DNAH9: variants seen among roughly 807,000 people sequenced by gnomAD.
DNAH9 encodes DNAH9 variant protein.
A neutral mutation model predicts 471.6 loss-of-function variants in DNAH9; 345 were observed. The observed-to-expected ratio is 0.73, with a 90% CI of 0.67 to 0.80. The LOEUF (loss-of-function observed/expected upper bound fraction) is 0.80. Among genes scored for constraint, DNAH9 ranks in the 30% least tolerant of loss-of-function variants. The pLI is 0.00. For synonymous variants in DNAH9, 2,093 were observed against 2,123.6 expected, an observed-to-expected ratio of 0.99 and a Z score of 0.40; for missense variants, 5,407 against 5,609.2, an observed-to-expected ratio of 0.96 and a Z score of 1.15.
At chr17:11,770,352 A>G (rs1346947648) in intron 38 of DNAH9, among the ~76,000 whole-genome samples, 2 of 152,046 alleles carry the variant, frequency 1.3e-5, no homozygotes, top group African/African-American at 4.8e-5. Flanking sequence ...CTCTGCTGAC[A>G]CTCTGCTTTC....
At chr17:11,758,584 G>A (rs1597602612) in intron 35 of DNAH9, among the ~76,000 whole-genome samples, 1 of 152,090 alleles carries the variant, frequency 6.6e-6, no homozygotes, top group Non-Finnish European at 1.5e-5. Flanking sequence ...TCCTTGGCTT[G>A]TCAAGCATGG....
intron 63 of DNAH9, among the ~76,000 whole-genome samples, chr17:11,931,191 C>T (rs1406347299): frequency 6.6e-6 from 1 of 152,186 alleles, no homozygotes; most frequent in Non-Finnish European, 1.5e-5. Flanking sequence ...AATCCATCTG[C>T]CACACCACGC....
At chr17:11,788,206 C>G (rs1479570368) in intron 41 of DNAH9, among the ~76,000 whole-genome samples, 1 of 152,176 alleles carries the variant, frequency 6.6e-6, no homozygotes, top group Non-Finnish European at 1.5e-5. Context: ...GTCTGGACTC[C>G]TGGTTGTTGC....
chr17:11,790,432 T>C (rs942429557), intron 41 of DNAH9, among the ~76,000 whole-genome samples: 4 of 152,056 alleles, frequency 2.6e-5, no homozygotes, highest in African/African-American at 7.2e-5. Context: ...CTTCTTTATC[T>C]CTAAAAACGA....
intron 67 of DNAH9, among the ~76,000 whole-genome samples, chr17:11,952,300 C>G (rs1229369969): frequency 7.0e-6 from 1 of 142,900 alleles, no homozygotes; most frequent in Non-Finnish European, 1.5e-5. Context: ...CCATTACACC[C>G]AGCTAATTCT....
intron 28 of DNAH9, among the ~76,000 whole-genome samples, chr17:11,734,034 C>A (rs2075308715): frequency 6.6e-6 from 1 of 152,180 alleles, no homozygotes; most frequent in African/African-American, 2.4e-5. Context: ...GCAGCGTGGC[C>A]CAGTGGCAAG....
At chr17:11,648,512 T>C (rs1169316695) in intron 12 of DNAH9, among the ~76,000 whole-genome samples, 2 of 152,190 alleles carry the variant, frequency 1.3e-5, no homozygotes, top group African/African-American at 4.8e-5. Context: ...CAGTATAAGA[T>C]ATATTACTAT....
rs142721920 is a variant in DNAH9 at position 11,887,233 on chromosome 17, C to G, written c.11112+268C>G. 1.6e-4 allele frequency among the ~76,000 whole-genome samples: 25 copies of G among 152,264 alleles called. No individual in the cohort carries two copies. In the East Asian group the frequency reaches 4.6e-3, roughly 28 times the overall value. On this transcript the variant is annotated intron_variant, in intron 57 of 68. Transcript: ENST00000262442. The stretch of plus-strand genomic sequence containing the variant: ...GCTCATTCAGTAGGCACACATGATA[C>G]AGTAGGTACTATGCTTACTGAATGT...
At chr17:11,644,745 C>G (rs2073347523) in intron 11 of DNAH9, 46 bp downstream of exon 11, 1 of 1,357,040 alleles carries the variant, frequency 7.4e-7, no homozygotes, top group Non-Finnish European at 1.0e-6. Flanking sequence ...TGCACAGCCT[C>G]CATGCTGCCT....
Position 11,905,738 on chromosome 17 carries a change from C to T in DNAH9, c.11678C>T (p.Ser3893Leu), listed in dbSNP as rs761550523. Residue 3893 changes from serine to leucine, a missense_variant, in exon 61 of 69, where the codon TCG (serine) becomes TTG (leucine). By Grantham distance (145) the Ser-to-Leu change is moderately radical. Transcript: ENST00000262442. ...GATTTTGCAACCTCATTTGAAGAAT[C>T]GGGACCAGCCACTCCTATGTTTTTC... is the stretch of plus-strand genomic sequence containing the variant. Reference protein sequence around the residue: ...ALDFATSFEESGPATPMFFIL... With the variant: ...ALDFATSFEELGPATPMFFIL... 5.5e-5 allele frequency: 89 copies of T among 1,613,892 alleles called. No individual in the cohort carries two copies. Among genetic ancestry groups the T allele is most frequent in the Non-Finnish European group, 6.9e-5 (82 of 1,179,996 alleles).
Position 11,647,074 on chromosome 17 carries a change from A to G in DNAH9, c.1973A>G (p.Tyr658Cys). 6.2e-7 allele frequency: 1 copy of G among 1,613,714 alleles called. No individual in the cohort carries two copies. Among genetic ancestry groups the G allele is most frequent in the Non-Finnish European group, 8.5e-7 (1 of 1,179,750 alleles). Reference protein sequence around the residue: ...YEDMLSLLEKYETRLYEDWCR... With the variant: ...YEDMLSLLEKCETRLYEDWCR... ...GCTGTTGTCTCTGACCCTTGCAGGT[A>G]TGAGACAAGACTTTATGAGGATTGG... Residue 658 changes from tyrosine (Y) to cysteine (C), a missense_variant and splice_region_variant, in exon 12 of 69, where the codon TAT (tyrosine) becomes TGT (cysteine). Physicochemically the swap from Tyr to Cys is radical, Grantham distance 194. Around this residue, in one of 3 missense-constraint regions of DNAH9, gnomAD observed 4,636 missense variants for 4,900.3 expected, o/e 0.95. Coordinates refer to ENST00000262442, the MANE Select transcript of DNAH9 (RefSeq NM_001372.4).
At chr17:11,711,927 AATATATATATTTG>A (rs1445404954) in intron 26 of DNAH9, among the ~76,000 whole-genome samples, 837 of 42,924 alleles carry the variant, frequency 0.019, 373 homozygotes, top group Admixed American at 0.12. Flanking sequence ...TTTATATATA[AATATATATATTTG>A]TATATATATT....
chr17:11,647,237 A>G (rs754561032), intron 12 of DNAH9, 39 bp downstream of exon 12: 11 of 1,599,488 alleles, frequency 6.9e-6, no homozygotes, highest in Middle Eastern at 3.3e-4. Context: ...GGGTTCCTGA[A>G]GAGTTTCTTT....
intron 6 of DNAH9, among the ~76,000 whole-genome samples, chr17:11,628,245 G>C (rs2150668830): frequency 6.6e-6 from 1 of 152,316 alleles, no homozygotes; most frequent in South Asian, 2.1e-4. Context: ...TGCTAGACGT[G>C]CTCAGGAGGA....
intron 50 of DNAH9, among the ~76,000 whole-genome samples, chr17:11,866,577 A>G (rs2150982161): frequency 1.3e-5 from 2 of 152,324 alleles, no homozygotes; most frequent in South Asian, 2.1e-4. Flanking sequence ...TTAAGTCTGC[A>G]GAGGTTACTG....
rs1464001568 is a variant in DNAH9 at position 11,653,017 on chromosome 17, A to T, written c.2595+15A>T. 1 of 1,612,196 alleles carries T rather than the reference A, an allele frequency of 6.2e-7. No homozygotes were observed. The highest frequency in any genetic ancestry group is 1.1e-5 in the South Asian group (1 of 91,030). ...CCCTTGTTCAGGTAATAACCCAGCC[A>T]CTCAGGCGCACATACTACGAGTTTA... On this transcript the variant is annotated intron_variant, in intron 14 of 68. Transcript: ENST00000262442.
At chr17:11,794,944 G>T (rs1969191157) in intron 42 of DNAH9, among the ~76,000 whole-genome samples, 1 of 151,166 alleles carries the variant, frequency 6.6e-6, no homozygotes, top group Non-Finnish European at 1.5e-5. Flanking sequence ...GGAGGGAGAA[G>T]GGATAGCATT....
chr17:11,870,075 G>A (rs1030577032), intron 51 of DNAH9, among the ~76,000 whole-genome samples: 1 of 152,124 alleles, frequency 6.6e-6, no homozygotes, highest in Non-Finnish European at 1.5e-5. Flanking sequence ...GTAGTCGGAC[G>A]TCTTACACAG....
chr17:11,719,186 C>G (rs984429586), intron 26 of DNAH9, 148 bp from the exon 27 acceptor site: 2 of 702,044 alleles, frequency 2.8e-6, no homozygotes, highest in South Asian at 4.5e-5. Flanking sequence ...AAAGAGTCCT[C>G]CCCACAGTGC....
Sources: allele counts gnomAD v4.1 joint callset (sites outside exome capture counted in the v4.1 genomes callset), GRCh38; gene constraint gnomAD v4.1.1; regional missense constraint gnomAD v4.1.1; transcripts MANE v1.5; gene names NCBI Gene and HGNC (gene_info 2026-07-23, HGNC 2026-07-21).